Variants in SPAG16 observed in about 807,000 individuals in gnomAD.
SPAG16 encodes sperm associated antigen 16.
Under a neutral mutation model 80.4 loss-of-function variants are expected in SPAG16, and 86 were observed. That is an observed-to-expected ratio of 1.07 (90% CI 0.90 to 1.28). The LOEUF is 1.28. SPAG16 is among the 50% of genes most tolerant of loss of function. The pLI is 0.00. For synonymous variants in SPAG16, 294 were observed against 265.9 expected (o/e 1.11, Z -1.03); for missense variants, 870 against 765.3 (o/e 1.14, Z -1.61).
intron 11 of SPAG16, among the ~76,000 whole-genome samples, chr2:213,902,074 G>T (rs2077242377): frequency 6.6e-6 from 1 of 152,170 alleles, no homozygotes; most frequent in Non-Finnish European, 1.5e-5. Context: ...CAGAGATCTG[G>T]TAATTTAAGA....
chr2:213,399,517 A>T (rs1284430292), intron 9 of SPAG16, among the ~76,000 whole-genome samples: 3 of 152,002 alleles, frequency 2.0e-5, no homozygotes, highest in African/African-American at 7.2e-5. Context: ...GAATAAAACT[A>T]ATGTATTCAT....
At chr2:213,855,689 G>C (rs899180545) in intron 10 of SPAG16, among the ~76,000 whole-genome samples, 1 of 152,172 alleles carries the variant, frequency 6.6e-6, no homozygotes, top group Non-Finnish European at 1.5e-5. Flanking sequence ...CCTTCACAGG[G>C]CATCAGGAGA....
chr2:213,853,421 A>G (rs2075005029), intron 10 of SPAG16, among the ~76,000 whole-genome samples: 1 of 152,216 alleles, frequency 6.6e-6, no homozygotes, highest in South Asian at 2.1e-4. Context: ...CATGTGGTCT[A>G]TTATAAGAAA....
At chr2:213,700,744 T>C (rs2065371970) in intron 10 of SPAG16, among the ~76,000 whole-genome samples, 1 of 152,350 alleles carries the variant, frequency 6.6e-6, no homozygotes, top group East Asian at 1.9e-4. Flanking sequence ...AATTAATCTA[T>C]ACAAAGGTCC....
chr2:213,375,185 CAT>C (rs1212709983), intron 9 of SPAG16, 66 bp downstream of exon 9: 1 of 1,100,956 alleles, frequency 9.1e-7, no homozygotes, highest in Non-Finnish European at 1.3e-6. Context: ...TCCATTCACT[CAT>C]ATGGTATCAT....
intron 15 of SPAG16, among the ~76,000 whole-genome samples, chr2:214,198,613 C>G (rs1008506471): frequency 6.6e-6 from 1 of 151,946 alleles, no homozygotes; most frequent in Non-Finnish European, 1.5e-5. Context: ...TGGGTAGATA[C>G]CGAGTAGTGC....
intron 13 of SPAG16, among the ~76,000 whole-genome samples, chr2:214,037,188 A>G (rs1487887027): frequency 1.3e-5 from 2 of 151,358 alleles, no homozygotes; most frequent in Admixed American, 1.3e-4. Flanking sequence ...AGATTCTCAT[A>G]TAAATAGAGA....
intron 3 of SPAG16, among the ~76,000 whole-genome samples, chr2:213,304,038 C>T (rs2062848330): frequency 6.6e-6 from 1 of 152,036 alleles, no homozygotes; most frequent in East Asian, 1.9e-4. Context: ...ACATCCTTGC[C>T]AGCATTCATT....
chr2:214,093,160 T>C (rs916542302), intron 13 of SPAG16, among the ~76,000 whole-genome samples: 5 of 152,106 alleles, frequency 3.3e-5, no homozygotes, highest in Admixed American at 3.3e-4. Flanking sequence ...CCTTTAGTTC[T>C]CTCTTTTAAC....
At chr2:214,249,728 G>A (rs1393667737) in intron 15 of SPAG16, among the ~76,000 whole-genome samples, 1 of 137,948 alleles carries the variant, frequency 7.2e-6, no homozygotes, top group South Asian at 2.3e-4. Flanking sequence ...AGTATTTCTA[G>A]TAGTAGTAAA....
chr2:214,008,744 C>G (rs77436613), intron 12 of SPAG16, among the ~76,000 whole-genome samples: 121 of 117,100 alleles, frequency 1.0e-3, no homozygotes, highest in African/African-American at 3.2e-3. Context: ...GACTCCATCT[C>G]AAAAAAAAAA....
intron 10 of SPAG16, among the ~76,000 whole-genome samples, chr2:213,511,401 T>G (rs533037010): frequency 2.0e-4 from 31 of 152,254 alleles, no homozygotes; most frequent in African/African-American, 7.5e-4. Flanking sequence ...TATAGTTAAA[T>G]AAATCACTTA....
chr2:213,397,198 A>G (rs753994412), intron 9 of SPAG16, among the ~76,000 whole-genome samples: 2 of 150,834 alleles, frequency 1.3e-5, no homozygotes, highest in African/African-American at 5.0e-5. Flanking sequence ...CATTTAAGCT[A>G]TCTTCTCACT....
intron 10 of SPAG16, among the ~76,000 whole-genome samples, chr2:213,836,471 A>T (rs1342065839): frequency 6.6e-6 from 1 of 152,098 alleles, no homozygotes; most frequent in African/African-American, 2.4e-5. Flanking sequence ...ATTGGTTGTT[A>T]TGATGCTTTA....
intron 9 of SPAG16, among the ~76,000 whole-genome samples, chr2:213,414,560 G>A (rs2069150412): frequency 6.6e-6 from 1 of 152,128 alleles, no homozygotes; most frequent in Non-Finnish European, 1.5e-5. Context: ...ATATAAAAAT[G>A]TAGTGTTGAG....
chr2:214,342,473 G>A (rs1317208822), intron 15 of SPAG16, among the ~76,000 whole-genome samples: 1 of 152,062 alleles, frequency 6.6e-6, no homozygotes, highest in Non-Finnish European at 1.5e-5. Context: ...CCTGTGTGAG[G>A]GACCTAGGTT....
At chr2:213,678,583 T>C (rs2064219307) in intron 10 of SPAG16, among the ~76,000 whole-genome samples, 1 of 152,184 alleles carries the variant, frequency 6.6e-6, no homozygotes, top group Non-Finnish European at 1.5e-5. Flanking sequence ...GGCCATGTTT[T>C]ATGCCGGAAA....
intron 9 of SPAG16, among the ~76,000 whole-genome samples, chr2:213,397,560 A>G (rs1387826716): frequency 6.6e-6 from 1 of 152,148 alleles, no homozygotes. Flanking sequence ...TGATTCCTCC[A>G]TAATGCTTCA....
intron 15 of SPAG16, among the ~76,000 whole-genome samples, chr2:214,243,109 T>C (rs989269299): frequency 2.0e-4 from 30 of 152,260 alleles, no homozygotes; most frequent in African/African-American, 7.2e-4. Flanking sequence ...AAAGACAGGA[T>C]AGAGGAAAGA....
Sources: gnomAD v4.1 joint callset for allele counts (sites outside exome capture counted in the v4.1 genomes callset) on GRCh38, gnomAD v4.1.1 for gene constraint, MANE v1.5 for transcripts, NCBI Gene and HGNC (gene_info 2026-07-23, HGNC 2026-07-21) for gene names.